The following FGGY variants were observed in gnomAD, a reference collection of about 807,000 sequenced individuals.
FGGY encodes FGGY carbohydrate kinase domain containing.
In FGGY, 72 loss-of-function variants were observed where a neutral mutation model predicts 71.3. The ratio of observed to expected loss-of-function variants is 1.01; its 90% CI spans 0.84 to 1.23. FGGY has a LOEUF of 1.23. Ranked by LOEUF, FGGY falls within the 50% of genes most tolerant of loss-of-function variation. The pLI is 0.00. For missense variants in FGGY, 668 were observed against 682.3 expected (o/e 0.98, Z 0.23); for synonymous variants, 251 against 250.3 (o/e 1.00, Z -0.02).
intron 7 of FGGY, among the ~76,000 whole-genome samples, chr1:59,519,692 T>A (rs1024490910): frequency 2.0e-5 from 3 of 152,228 alleles, no homozygotes; most frequent in Non-Finnish European, 4.4e-5. Context: ...TTCTTACATG[T>A]GTCCTATGTG....
At chr1:59,736,902 C>T (rs2098110546) in intron 14 of FGGY, among the ~76,000 whole-genome samples, 1 of 152,202 alleles carries the variant, frequency 6.6e-6, no homozygotes, top group South Asian at 2.1e-4. Context: ...CATGGCAGCT[C>T]CTCCCATCAC....
At chr1:59,486,563 G>A (rs1031853241) in intron 6 of FGGY, among the ~76,000 whole-genome samples, 1 of 152,162 alleles carries the variant, frequency 6.6e-6, no homozygotes, top group Non-Finnish European at 1.5e-5. Context: ...AGGGCTAACA[G>A]GGCTAGTTCC....
At chr1:59,409,431 GCC>G (rs2063251634) in intron 5 of FGGY, among the ~76,000 whole-genome samples, 1 of 152,122 alleles carries the variant, frequency 6.6e-6, no homozygotes, top group African/African-American at 2.4e-5. Context: ...CATTATTCAA[GCC>G]GTTGAGAAAG....
chr1:59,679,187 T>G (rs1382292098), intron 14 of FGGY, among the ~76,000 whole-genome samples: 2 of 152,236 alleles, frequency 1.3e-5, no homozygotes, highest in Non-Finnish European at 2.9e-5. Flanking sequence ...TCTGTTCTTT[T>G]TCATGAAATT....
At chr1:59,602,389 A>G (rs1275837017) in intron 8 of FGGY, among the ~76,000 whole-genome samples, 1 of 152,082 alleles carries the variant, frequency 6.6e-6, no homozygotes, top group Admixed American at 6.5e-5. Flanking sequence ...AATGCAAATA[A>G]CTCTTAGCAA....
chr1:59,480,122 C>T (rs1332889195), intron 6 of FGGY, among the ~76,000 whole-genome samples: 1 of 152,188 alleles, frequency 6.6e-6, no homozygotes, highest in Non-Finnish European at 1.5e-5. Flanking sequence ...TTGCCTTTTT[C>T]AGTCCATCCT....
At chr1:59,456,930 A>G (rs1006994226) in intron 5 of FGGY, 31 bp from the exon 6 acceptor site, 2 of 1,507,974 alleles carry the variant, frequency 1.3e-6, no homozygotes, top group Non-Finnish European at 1.8e-6. Context: ...TCATATGGTC[A>G]GTTCTATCTA....
intron 1 of FGGY, among the ~76,000 whole-genome samples, chr1:59,299,378 G>T (rs1168505501): frequency 6.6e-6 from 1 of 152,150 alleles, no homozygotes; most frequent in South Asian, 2.1e-4. Flanking sequence ...TATCTCCAGG[G>T]CAAACAGTGA....
intron 8 of FGGY, among the ~76,000 whole-genome samples, chr1:59,597,077 T>C (rs1392485173): frequency 6.6e-6 from 1 of 152,184 alleles, no homozygotes; most frequent in African/African-American, 2.4e-5. Context: ...TTTGAATTCT[T>C]TTTGCCTATT....
chr1:59,683,061 G>A (rs544435064), intron 14 of FGGY, among the ~76,000 whole-genome samples: 2 of 152,244 alleles, frequency 1.3e-5, no homozygotes, highest in East Asian at 1.9e-4. Flanking sequence ...TGATAAAAAC[G>A]CTGGAATCCC....
intron 11 of FGGY, among the ~76,000 whole-genome samples, chr1:59,660,008 G>T (rs1408549555): frequency 2.6e-5 from 4 of 152,112 alleles, no homozygotes; most frequent in Admixed American, 6.5e-5. Context: ...TAAGGTCAGG[G>T]TATTTTCTCT....
chr1:59,433,559 A>G (rs2067817326), intron 5 of FGGY, among the ~76,000 whole-genome samples: 1 of 152,200 alleles, frequency 6.6e-6, no homozygotes. Context: ...CATGGAGACC[A>G]TCTGTCTGGC....
chr1:59,626,101 G>A (rs1422973077), intron 10 of FGGY, 52 bp downstream of exon 10: 2 of 1,487,538 alleles, frequency 1.3e-6, no homozygotes, highest in Admixed American at 1.7e-5. Flanking sequence ...ACTGTATTGA[G>A]AGAATTCACG....
intron 14 of FGGY, among the ~76,000 whole-genome samples, chr1:59,700,343 TA>T (rs2097699687): frequency 6.6e-6 from 1 of 152,214 alleles, no homozygotes; most frequent in African/African-American, 2.4e-5. Flanking sequence ...TGATGTTTTT[TA>T]TATGCCAAGC....
At chr1:59,563,905 A>G (rs769348336) in intron 8 of FGGY, among the ~76,000 whole-genome samples, 11 of 152,226 alleles carry the variant, frequency 7.2e-5, no homozygotes, top group African/African-American at 1.2e-4. Context: ...CAACCATCTG[A>G]TCATTGACAA....
chr1:59,490,090 G>T (rs189352245), intron 6 of FGGY, among the ~76,000 whole-genome samples: 1 of 152,006 alleles, frequency 6.6e-6, no homozygotes, highest in Admixed American at 6.5e-5. Flanking sequence ...TCACTGTGTT[G>T]CCTAGACTGT....
chr1:59,541,664 TAGG>T (rs978253334), intron 7 of FGGY, among the ~76,000 whole-genome samples: 4 of 152,214 alleles, frequency 2.6e-5, no homozygotes, highest in Middle Eastern at 3.4e-3. Flanking sequence ...CAGAATTTAA[TAGG>T]AGAAAAATCA....
intron 5 of FGGY, among the ~76,000 whole-genome samples, chr1:59,404,708 G>A (rs1412778845): frequency 6.6e-6 from 1 of 152,154 alleles, no homozygotes; most frequent in East Asian, 1.9e-4. Context: ...AATCTGAGCA[G>A]AAGAGACAGA....
intron 3 of FGGY, among the ~76,000 whole-genome samples, chr1:59,345,007 C>T (rs1192856821): frequency 6.6e-6 from 1 of 152,040 alleles, no homozygotes; most frequent in Admixed American, 6.6e-5. Flanking sequence ...GATCTAGTTC[C>T]AAAATACACT....
Sources: allele counts gnomAD v4.1 joint callset (sites outside exome capture counted in the v4.1 genomes callset), GRCh38; gene constraint gnomAD v4.1.1; transcripts MANE v1.5; gene names NCBI Gene and HGNC (gene_info 2026-07-23, HGNC 2026-07-21).